Variants in ASNSD1 observed in about 807,000 individuals in gnomAD.
ASNSD1 encodes the protein asparagine synthetase domain-containing protein 1.
ASNSD1 carries 36 observed loss-of-function variants against 48.3 expected under a neutral mutation model. The observed-to-expected ratio is 0.75, with a 90% CI of 0.57 to 0.99. ASNSD1 has a LOEUF of 0.99. Among genes scored for constraint, ASNSD1 ranks in the 50% least tolerant of loss-of-function variants. The pLI, the probability that ASNSD1 is intolerant of heterozygous loss-of-function variation, is 0.00. For missense variants in ASNSD1, 714 were observed against 758.2 expected (o/e 0.94, Z 0.69); for synonymous variants, 257 against 262.1 (o/e 0.98, Z 0.19).
Position 189,666,166 on chromosome 2 carries a change from G to C in ASNSD1, c.34G>C (p.Ala12Pro), listed in dbSNP as rs1344684505. 3 of 1,593,372 alleles carry C rather than the reference G, an allele frequency of 1.9e-6. No individual in the cohort carries two copies. The Admixed American group carries it at 5.4e-5, about 29-fold the overall frequency. ...CATTTGTTGTTCTGTAAACTTTTCT[G>C]CTGAGCATTTCAGTCAAGATTTAAA... is the stretch of plus-strand genomic sequence containing the variant. ...CGICCSVNFS[A>P]EHFSQDLKED... Residue 12 changes from alanine (A) to proline (P), a missense_variant, in exon 4 of 6, where the codon GCT (alanine) becomes CCT (proline). By Grantham distance (27) the Ala-to-Pro change is conservative. Coordinates refer to ENST00000260952, the MANE Select transcript of ASNSD1 (RefSeq NM_019048.4).
intron 2 of ASNSD1, among the ~76,000 whole-genome samples, chr2:189,664,229 G>T (rs928558655): frequency 1.3e-5 from 2 of 152,114 alleles, no homozygotes; most frequent in Admixed American, 6.5e-5. Context: ...AATCACTAAT[G>T]ATGTTTTATA....
In ASNSD1 at chr2:189,667,522, G is replaced by C; in HGVS notation, c.1390G>C (p.Val464Leu). The C allele has an allele frequency of 6.2e-7, 1 of 1,614,184 alleles. No individual in the cohort carries two copies. Among genetic ancestry groups the C allele is most frequent in the Non-Finnish European group, 8.5e-7 (1 of 1,180,032 alleles). The stretch of plus-strand genomic sequence containing the variant: ...TTTGGATGATAGCATTGGCTGTGCA[G>C]TCTGGTTTGCTTCTAGAGGAATTGG... The part of the protein sequence containing the change: ...TVLDDSIGCA[V>L]WFASRGIGWL... The change falls in exon 4 of 6, where the codon GTC becomes CTC. Residue 464 changes from valine to leucine, a missense_variant. Coordinates refer to ENST00000260952, the MANE Select transcript of ASNSD1 (RefSeq NM_019048.4).
rs2032819606 is a variant in ASNSD1 at position 189,666,924 on chromosome 2, A to G, written c.792A>G (p.Pro264=). ...ATTGCAGTAATATTTCCAATGTGCC[A>G]CCTACAAGAGAGATACTTCAAGTCT... is the stretch of plus-strand genomic sequence containing the variant. ...ETHCSNISNV[P]PTREILQVFL... The change falls in exon 4 of 6, where the codon CCA becomes CCG. Residue 264 remains proline, a synonymous_variant. Transcript: ENST00000260952. The G allele has an allele frequency of 6.2e-7, 1 of 1,614,110 alleles. No individual in the cohort carries two copies. Among genetic ancestry groups the G allele is most frequent in the Non-Finnish European group, 8.5e-7 (1 of 1,179,998 alleles).
intron 1 of ASNSD1, among the ~76,000 whole-genome samples, chr2:189,662,140 T>G (rs2032681124): frequency 6.6e-6 from 1 of 152,202 alleles, no homozygotes; most frequent in Non-Finnish European, 1.5e-5. Flanking sequence ...CTCATCCACC[T>G]GTTAGCTGCT....
At chr2:189,665,039 G>A (rs773582705) in intron 2 of ASNSD1, among the ~76,000 whole-genome samples, 6 of 152,128 alleles carry the variant, frequency 3.9e-5, no homozygotes, top group Non-Finnish European at 5.9e-5. Context: ...GTATAATTTG[G>A]TCACCATAGC....
chr2:189,666,266 A>C lies in ASNSD1; in HGVS notation c.134A>C (p.Tyr45Ser). 2.5e-6 allele frequency: 4 copies of C among 1,614,128 alleles called. No homozygotes were observed. The highest frequency in any genetic ancestry group is 3.4e-6 in the Non-Finnish European group (4 of 1,180,014). ...CAATTGTTAAAGTCTGATGTTAACT[A>C]CCAGTGTTTATTTTCTGCTCACGTC... The part of the protein sequence containing the change: ...SKQLLKSDVN[Y>S]QCLFSAHVLH... The change falls in exon 4 of 6, where the codon TAC becomes TCC. Residue 45 changes from tyrosine to serine, a missense_variant. Coordinates refer to ENST00000260952, the MANE Select transcript of ASNSD1 (RefSeq NM_019048.4).
In ASNSD1 at chr2:189,666,192, A is replaced by C. The variant is rs772193931; in HGVS notation, c.60A>C (p.Lys20Asn). The change falls in exon 4 of 6, where the codon AAA becomes AAC. Residue 20 changes from lysine to asparagine, a missense_variant. Physicochemically the swap from Lys to Asn is moderately conservative, Grantham distance 94. Coordinates refer to ENST00000260952, the MANE Select transcript of ASNSD1 (RefSeq NM_019048.4). Reference protein sequence around the residue: ...FSAEHFSQDLKEDLLYNLKQR... With the variant: ...FSAEHFSQDLNEDLLYNLKQR... ...CTGAGCATTTCAGTCAAGATTTAAA[A>C]GAGGACTTACTATATAATCTTAAAC... is the stretch of plus-strand genomic sequence containing the variant. The C allele has an allele frequency of 1.9e-6, 3 of 1,607,276 alleles. No individual in the cohort carries two copies. In the South Asian group the frequency reaches 3.4e-5, roughly 18 times the overall value.
At chr2:189,669,339 G>A (rs1385541945) in intron 5 of ASNSD1, among the ~76,000 whole-genome samples, 1 of 152,198 alleles carries the variant, frequency 6.6e-6, no homozygotes, top group Non-Finnish European at 1.5e-5. Context: ...TTTCAGCTAG[G>A]TCATAGAGAA....
chr2:189,664,746 C>CAAA (rs545748114), intron 2 of ASNSD1, among the ~76,000 whole-genome samples: 1 of 123,082 alleles, frequency 8.1e-6, no homozygotes. Flanking sequence ...GACTCCTTCT[C>CAAA]AAAAAAAAAA....
At chr2:189,668,491 A>G (rs1200121994) in intron 5 of ASNSD1, among the ~76,000 whole-genome samples, 7 of 131,992 alleles carry the variant, frequency 5.3e-5, no homozygotes, top group Non-Finnish European at 9.6e-5. Flanking sequence ...CCTGGGAGAC[A>G]GTGCGAGACT....
At chr2:189,665,644 A>ATATATATATATATATATATG (rs1455945789) in intron 3 of ASNSD1, among the ~76,000 whole-genome samples, 193 bp downstream of exon 3, 3 of 123,748 alleles carry the variant, frequency 2.4e-5, no homozygotes, top group Admixed American at 8.2e-5. Flanking sequence ...ATATATATAT[A>ATATATATATATATATATATG]TATTATAAAT....
In ASNSD1 at chr2:189,667,225, A is replaced by G. The variant is rs2032828725; in HGVS notation, c.1093A>G (p.Thr365Ala). 1.2e-6 allele frequency: 2 copies of G among 1,614,130 alleles called. No individual in the cohort carries two copies. The highest frequency in any genetic ancestry group is 1.3e-5 in the African/African-American group (1 of 75,042). The change falls in exon 4 of 6, where the codon ACT becomes GCT. Residue 365 changes from threonine to alanine, a missense_variant. Thr to Ala is a moderately conservative substitution (Grantham distance 58). Transcript: ENST00000260952. The part of the protein sequence containing the change: ...AFIAEEKTMP[T>A]TFNREGNKQK... ...CATAGCTGAAGAAAAGACCATGCCAACTACCTTTAACAGAGAAGGGAATAA... is the reference window on the plus strand; with the variant it reads ...CATAGCTGAAGAAAAGACCATGCCAGCTACCTTTAACAGAGAAGGGAATAA...
At position 189,670,554 on chromosome 2, in the gene ASNSD1, C is replaced by A. The variant is rs761614392; in HGVS notation, c.1760C>A (p.Ala587Glu). ...GGTGAAAAATTACTTTTACGCCTTG[C>A]AGCTGTGGAACTTGGTCTTACAGCC... ...GIGEKLLLRL[A>E]AVELGLTASA... is the part of the protein sequence containing the mutation. The change falls in exon 6 of 6, where the codon GCA (alanine) becomes GAA (glutamate). Residue 587 changes from alanine (A) to glutamate (E), a missense_variant. Physicochemically the swap from Ala to Glu is moderately radical, Grantham distance 107. Transcript: ENST00000260952. The A allele has an allele frequency of 5.6e-6, 9 of 1,614,094 alleles. No individual in the cohort carries two copies. In the South Asian group the frequency reaches 8.8e-5, roughly 16 times the overall value.
chr2:189,667,553 T>C lies in ASNSD1; in HGVS notation c.1421T>C (p.Leu474Ser). The change falls in exon 4 of 6, where the codon TTA becomes TCA. Residue 474 changes from leucine to serine, a missense_variant. Leu to Ser is a moderately radical substitution (Grantham distance 145, BLOSUM62 -2). Transcript: ENST00000260952. ...TTTGCTTCTAGAGGAATTGGTTGGT[T>C]AGTGGCCCAGGAAGGAGTGAAATCC... is the stretch of plus-strand genomic sequence containing the variant. ...VWFASRGIGWLVAQEGVKSYQ... is the reference protein window; with the variant it reads ...VWFASRGIGWSVAQEGVKSYQ... 1 of 1,613,714 alleles carries C rather than the reference T, an allele frequency of 6.2e-7. No homozygotes were observed. Among genetic ancestry groups the C allele is most frequent in the Non-Finnish European group, 8.5e-7 (1 of 1,179,742 alleles).
intron 5 of ASNSD1, among the ~76,000 whole-genome samples, chr2:189,668,324 G>C (rs2032856933): frequency 6.8e-6 from 1 of 146,802 alleles, no homozygotes. Context: ...AGACCAGCCT[G>C]GTAAACATGA....
intron 1 of ASNSD1, among the ~76,000 whole-genome samples, chr2:189,662,948 C>T (rs1183503841): frequency 3.1e-4 from 24 of 76,922 alleles, no homozygotes; most frequent in South Asian, 9.7e-4. Context: ...GACCCTGTTT[C>T]AAAAAAAAAA....
chr2:189,666,357 G>A lies in ASNSD1; in HGVS notation c.225G>A (p.Trp75Ter), dbSNP rs2032804220. The A allele has an allele frequency of 6.2e-7, 1 of 1,613,732 alleles. No individual in the cohort carries two copies. The highest frequency in any genetic ancestry group is 8.5e-7 in the Non-Finnish European group (1 of 1,179,854). ...ATGAAAGAGGCAATGTGTTTCTATGGAATGGAGAAATTTTTAGTGGAATAA... is the reference window on the plus strand; with the variant it reads ...ATGAAAGAGGCAATGTGTTTCTATGAAATGGAGAAATTTTTAGTGGAATAA... ...VEDERGNVFL[W>*]NGEIFSGIKV... The change falls in exon 4 of 6, where the codon TGG becomes TGA. Residue 75 changes from tryptophan to a stop codon, truncating the protein, a stop_gained. Transcript: ENST00000260952. LOFTEE classifies it high-confidence loss of function.
In ASNSD1 at chr2:189,670,495, G is replaced by C; in HGVS notation, c.1701G>C (p.Trp567Cys). 6.2e-7 allele frequency: 1 copy of C among 1,612,930 alleles called. No homozygotes were observed. Among genetic ancestry groups the C allele is most frequent in the Non-Finnish European group, 8.5e-7 (1 of 1,179,432 alleles). ...VVSFLNSLPI[W>C]EKANLTLPRG... ...CCTTTCTAAATTCTCTGCCGATTTG[G>C]GAAAAAGCAAACTTGACTTTACCCC... The change falls in exon 6 of 6, where the codon TGG becomes TGC. Residue 567 changes from tryptophan to cysteine, a missense_variant. Transcript: ENST00000260952.
chr2:189,670,681 C>T lies in ASNSD1; in HGVS notation c.1887C>T (p.Ile629=). The T allele has an allele frequency of 6.2e-7, 1 of 1,605,428 alleles. No homozygotes were observed. The change falls in exon 6 of 6, where the codon ATC becomes ATT. Residue 629 remains isoleucine, a synonymous_variant. Transcript: ENST00000260952. ...KASDKCGRLQ[I]MSLENLSIEK... ...CTGATAAATGTGGACGGCTCCAAAT[C>T]ATGTCCTTAGAAAATCTTTCTATTG... is the stretch of plus-strand genomic sequence containing the variant.
Sources: gnomAD v4.1 joint callset for allele counts (sites outside exome capture counted in the v4.1 genomes callset) on GRCh38, gnomAD v4.1.1 for gene constraint, MANE v1.5 for transcripts, NCBI Gene and HGNC (gene_info 2026-07-23, HGNC 2026-07-21) for gene names.